Variants in GALNT17 observed in about 807,000 individuals in gnomAD.
GALNT17 encodes polypeptide N-acetylgalactosaminyltransferase 17, also known as UDP-GalNAc:polypeptide N-acetylgalactosaminyltransferase-like 3.
In GALNT17, 29 loss-of-function variants were observed where a neutral mutation model predicts 63.7. That is an observed-to-expected ratio of 0.46 (90% confidence interval 0.34 to 0.62). The LOEUF (loss-of-function observed/expected upper bound fraction) is 0.62. Among genes scored for constraint, GALNT17 ranks in the 20% least tolerant of loss-of-function variants. The pLI is 0.01. For synonymous variants in GALNT17, 305 were observed against 318.3 expected, an observed-to-expected ratio of 0.96 and a Z score of 0.45; for missense variants, 603 against 799.6, an observed-to-expected ratio of 0.75 and a Z score of 2.97.
chr7:71,464,373 G>C (rs988675128), intron 5 of GALNT17, among the ~76,000 whole-genome samples: 1 of 152,144 alleles, frequency 6.6e-6, no homozygotes, highest in Non-Finnish European at 1.5e-5. Context: ...GTAGATAAGT[G>C]GGATCAGAGG....
intron 2 of GALNT17, among the ~76,000 whole-genome samples, chr7:71,342,543 A>G (rs1273419657): frequency 6.6e-6 from 1 of 152,212 alleles, no homozygotes; most frequent in African/African-American, 2.4e-5. Context: ...ACAGAAAAAA[A>G]ACAAAAGCTC....
At chr7:71,228,572 A>G (rs1583779639) in intron 1 of GALNT17, among the ~76,000 whole-genome samples, 1 of 152,300 alleles carries the variant, frequency 6.6e-6, no homozygotes, top group South Asian at 2.1e-4. Flanking sequence ...TCTAGAAGAG[A>G]ATCTCTTCCT....
intron 5 of GALNT17, among the ~76,000 whole-genome samples, chr7:71,494,893 C>T (rs767162782): frequency 2.6e-5 from 4 of 152,108 alleles, no homozygotes; most frequent in Non-Finnish European, 5.9e-5. Context: ...ACCATCAGAT[C>T]GCGTGAGACT....
At chr7:71,677,393 T>A (rs916454935) in intron 9 of GALNT17, 87 bp downstream of exon 9, 29 of 1,300,328 alleles carry the variant, frequency 2.2e-5, no homozygotes, top group Admixed American at 4.4e-5. Context: ...TAAACTTTGT[T>A]GCTGTCTACC....
chr7:71,670,646 AG>A (rs1791054445), intron 8 of GALNT17, among the ~76,000 whole-genome samples: 1 of 152,210 alleles, frequency 6.6e-6, no homozygotes, highest in African/African-American at 2.4e-5. Context: ...TGAATATTTG[AG>A]TGCTTTTGAA....
chr7:71,624,629 G>C lies in GALNT17; in HGVS notation c.1081-40782G>C, dbSNP rs1345736765. Among the ~76,000 whole-genome samples the C allele has an allele frequency of 2.0e-5, 3 of 152,130 alleles. No homozygotes were observed. In the South Asian group the frequency reaches 6.2e-4, roughly 32 times the overall value. ...TAAAAATGATGGATGACCCCAAAGA[G>C]CTTTTGTTTATGGGTGTCCTATCTA... On this transcript the variant is annotated intron_variant, in intron 6 of 10. Coordinates refer to ENST00000333538, the MANE Select transcript of GALNT17 (RefSeq NM_022479.3).
intron 5 of GALNT17, among the ~76,000 whole-genome samples, chr7:71,526,906 T>C (rs930364799): frequency 7.2e-5 from 11 of 152,222 alleles, no homozygotes; most frequent in Admixed American, 2.6e-4. Context: ...AAGTCCACCT[T>C]CATTTCTATG....
chr7:71,694,638 C>T (rs1299523869), intron 9 of GALNT17, among the ~76,000 whole-genome samples: 2 of 152,152 alleles, frequency 1.3e-5, no homozygotes, highest in South Asian at 2.1e-4. Context: ...TCAAGTGATT[C>T]GCCCGCCTCG....
At chr7:71,252,853 T>C (rs1234014987) in intron 1 of GALNT17, among the ~76,000 whole-genome samples, 4 of 152,188 alleles carry the variant, frequency 2.6e-5, no homozygotes, top group Non-Finnish European at 5.9e-5. Context: ...AGGAAATTCT[T>C]TGTGGGCTCC....
intron 1 of GALNT17, among the ~76,000 whole-genome samples, chr7:71,237,028 G>A (rs567148116): frequency 4.8e-4 from 73 of 152,222 alleles, no homozygotes; most frequent in African/African-American, 1.7e-3. Flanking sequence ...AGGGAATCTC[G>A]TGGCTCCCTG....
intron 3 of GALNT17, among the ~76,000 whole-genome samples, chr7:71,401,395 C>T (rs979844405): frequency 6.6e-6 from 1 of 152,032 alleles, no homozygotes; most frequent in South Asian, 2.1e-4. Context: ...CCATGCCTGG[C>T]CCTCAATACT....
intron 1 of GALNT17, among the ~76,000 whole-genome samples, chr7:71,289,119 A>G (rs536288719): frequency 1.3e-5 from 2 of 152,034 alleles, no homozygotes; most frequent in Non-Finnish European, 2.9e-5. Context: ...TGACTCCCCC[A>G]AAACTTATTT....
intron 6 of GALNT17, among the ~76,000 whole-genome samples, chr7:71,585,022 A>G (rs966109195): frequency 2.0e-5 from 3 of 152,312 alleles, no homozygotes; most frequent in Admixed American, 1.3e-4. Flanking sequence ...ACAATTTCAC[A>G]CAATCTGGAT....
rs1371866059 is a variant in GALNT17 at position 71,713,396 on chromosome 7, C to G, written c.*1250C>G. On this transcript the variant is annotated 3_prime_UTR_variant, in exon 11 of 11. Coordinates refer to ENST00000333538, the MANE Select transcript of GALNT17 (RefSeq NM_022479.3). ...CTCAGCCCTGCCCTGTGGGGTGCCCCCGATGGGAGGCTGTCCCATCTCCCA... is the reference window on the plus strand; with the variant it reads ...CTCAGCCCTGCCCTGTGGGGTGCCCGCGATGGGAGGCTGTCCCATCTCCCA... The G allele has an allele frequency of 6.6e-6, 1 of 152,662 alleles. No homozygotes were observed. The highest frequency in any genetic ancestry group is 1.5e-5 in the Non-Finnish European group (1 of 68,474). The allele number at this position is 152,662 out of a possible 1,614,324, so 9.5% of individuals were successfully genotyped here.
chr7:71,585,858 A>G (rs1366068984), intron 6 of GALNT17, among the ~76,000 whole-genome samples: 1 of 151,236 alleles, frequency 6.6e-6, no homozygotes, highest in East Asian at 1.9e-4. Context: ...TTTTCCTATC[A>G]GTTCTTTCCT....
At chr7:71,424,770 G>A (rs1268626113) in intron 5 of GALNT17, among the ~76,000 whole-genome samples, 1 of 152,156 alleles carries the variant, frequency 6.6e-6, no homozygotes, top group East Asian at 1.9e-4. Context: ...TGAGGACATG[G>A]CAGTTTCTCT....
At chr7:71,254,189 A>T (rs945071020) in intron 1 of GALNT17, among the ~76,000 whole-genome samples, 1 of 152,190 alleles carries the variant, frequency 6.6e-6, no homozygotes, top group Non-Finnish European at 1.5e-5. Context: ...TTAAGTTATT[A>T]TCTGGAGACC....
intron 6 of GALNT17, among the ~76,000 whole-genome samples, chr7:71,618,220 T>C (rs1199293355): frequency 6.6e-6 from 1 of 152,214 alleles, no homozygotes; most frequent in Non-Finnish European, 1.5e-5. Context: ...CTACCATTAA[T>C]GGGCTCTTGG....
At chr7:71,678,332 G>A (rs1791183021) in intron 9 of GALNT17, among the ~76,000 whole-genome samples, 1 of 151,436 alleles carries the variant, frequency 6.6e-6, no homozygotes, top group Non-Finnish European at 1.5e-5. Context: ...CACCATGTTG[G>A]CCAGACTGGT....
Sources: gnomAD v4.1 joint callset for allele counts (sites outside exome capture counted in the v4.1 genomes callset) on GRCh38, gnomAD v4.1.1 for gene constraint, MANE v1.5 for transcripts, NCBI Gene and HGNC (gene_info 2026-07-23, HGNC 2026-07-21) for gene names.